Variants in C6orf132 observed in about 807,000 individuals in gnomAD.
C6orf132 encodes the protein uncharacterized protein C6orf132.
C6orf132 carries 43 observed loss-of-function variants against 65.3 expected under a neutral mutation model. The observed-to-expected ratio is 0.66, with a 90% confidence interval of 0.52 to 0.85. C6orf132 has a LOEUF of 0.85. Ranked by LOEUF, C6orf132 falls within the 40% of genes least tolerant of loss-of-function variation. The pLI is 0.00. For missense variants in C6orf132, 1,488 were observed against 1,548.8 expected (o/e 0.96, Z 0.66); for synonymous variants, 631 against 654.1 (o/e 0.96, Z 0.54).
intron 1 of C6orf132, among the ~76,000 whole-genome samples, chr6:42,130,903 T>C (rs943778986): frequency 2.6e-5 from 4 of 151,328 alleles, no homozygotes; most frequent in Non-Finnish European, 4.4e-5. Context: ...GCCTGAGCCA[T>C]TGTGGATCCC....
chr6:42,107,553 C>A lies in C6orf132; in HGVS notation c.359G>T (p.Arg120Leu). 3.2e-6 allele frequency: 5 copies of A among 1,550,724 alleles called. No homozygotes were observed. The South Asian group carries it at 5.9e-5, about 18-fold the overall frequency. ...GTSSLVNGNL[R>L]LYSSVGDLRP... is the part of the protein sequence containing the mutation. ...CAGGTCACCCACAGAGCTGTACAGTCGGAGGTTGCCATTGACTAGTGAGCT... is the reference window on the plus strand; with the variant it reads ...CAGGTCACCCACAGAGCTGTACAGTAGGAGGTTGCCATTGACTAGTGAGCT... Residue 120 changes from arginine (R) to leucine (L), a missense_variant, in exon 4 of 5, where the codon CGA becomes CTA. Arg to Leu is a moderately radical substitution (Grantham distance 102). Transcript: ENST00000341865.
At chr6:42,107,950 G>A (rs114806702) in intron 3 of C6orf132, among the ~76,000 whole-genome samples, 1,706 of 152,268 alleles carry the variant, frequency 0.011, 9 homozygotes, top group Middle Eastern at 0.024. Flanking sequence ...TCCTGGCTGC[G>A]TCACAGGTTG....
At position 42,103,409 on chromosome 6, in the gene C6orf132, GT is replaced by G. The variant is rs919477566; in HGVS notation, c.*351del. 2.8e-5 allele frequency: 11 copies of G among 395,802 alleles called. No individual in the cohort carries two copies. The highest frequency in any genetic ancestry group is 2.1e-4 in the African/African-American group (10 of 48,598). The allele number at this position is 395,802 out of a possible 1,614,324, so 24.5% of individuals were successfully genotyped here. A position where few individuals can be genotyped will look rare whatever the true frequency, so the allele number is the denominator to read the frequency against. Reference sequence around the variant, plus strand: ...ACCCCTTGCTTTCAGAACCTGCTCAGTAGGCCGTGCTTGTAAAACTGTTTTA... The same window carrying G: ...ACCCCTTGCTTTCAGAACCTGCTCAGAGGCCGTGCTTGTAAAACTGTTTTA... On this transcript the variant is annotated 3_prime_UTR_variant, in exon 5 of 5. Transcript: ENST00000341865.
chr6:42,120,375 T>C (rs185329124), intron 2 of C6orf132, among the ~76,000 whole-genome samples: 1,784 of 150,830 alleles, frequency 0.012, 16 homozygotes, highest in African/African-American at 0.018. Flanking sequence ...GCCTCCCAAG[T>C]AGCTGGGACT....
In C6orf132 at chr6:42,105,540, C is replaced by T. The variant is rs1460768604; in HGVS notation, c.2372G>A (p.Arg791Lys). The T allele has an allele frequency of 2.6e-6, 4 of 1,534,548 alleles. No individual in the cohort carries two copies. The highest frequency in any genetic ancestry group is 3.5e-6 in the Non-Finnish European group (4 of 1,145,430). The change falls in exon 4 of 5, where the codon AGA becomes AAA. Residue 791 changes from arginine (R) to lysine (K), a missense_variant. By Grantham distance (26) the Arg-to-Lys change is conservative. Transcript: ENST00000341865. ...CTCCCCTGGCCCTGCAGCCCCTCCT[C>T]TGGCCAGGGTGGGCATCACCACAGC... ...EVAVVMPTLA[R>K]GGAAGPGEPV... is the part of the protein sequence containing the mutation.
At chr6:42,141,280 G>A (rs1356250548) in intron 1 of C6orf132, among the ~76,000 whole-genome samples, 2 of 152,118 alleles carry the variant, frequency 1.3e-5, no homozygotes, top group Non-Finnish European at 2.9e-5. Context: ...CCAGCACAGT[G>A]GCTATAAAGA....
chr6:42,123,369 A>G (rs1435916489), intron 2 of C6orf132, among the ~76,000 whole-genome samples: 1 of 150,896 alleles, frequency 6.6e-6, no homozygotes, highest in Non-Finnish European at 1.5e-5. Context: ...GGTGACAGAG[A>G]CAGACTCCAT....
chr6:42,134,390 G>A (rs1057200839), intron 1 of C6orf132, among the ~76,000 whole-genome samples: 1 of 152,168 alleles, frequency 6.6e-6, no homozygotes, highest in African/African-American at 2.4e-5. Context: ...TCAATAATTG[G>A]GAGGGTTGGC....
At chr6:42,128,997 G>C (rs75590982) in intron 1 of C6orf132, among the ~76,000 whole-genome samples, 13,393 of 152,272 alleles carry the variant, frequency 0.088, 617 homozygotes, top group Middle Eastern at 0.15. Flanking sequence ...CTCGGTGTTC[G>C]TGGGGCTTTC....
chr6:42,140,351 G>A (rs954425722), intron 1 of C6orf132, among the ~76,000 whole-genome samples: 1 of 152,240 alleles, frequency 6.6e-6, no homozygotes, highest in Non-Finnish European at 1.5e-5. Flanking sequence ...GCTGAGAGGC[G>A]TGGCTGAGAG....
Position 42,104,489 on chromosome 6 carries a change from G to A in C6orf132, c.3423C>T (p.Asp1141=). The A allele has an allele frequency of 1.6e-6, 2 of 1,231,886 alleles. No homozygotes were observed. Among genetic ancestry groups the A allele is most frequent in the Middle Eastern group, 3.1e-4 (1 of 3,208 alleles). 76.3% of individuals were successfully genotyped at this position (1,231,886 alleles called of 1,614,324 possible). A position where few individuals can be genotyped will look rare whatever the true frequency, so the allele number is the denominator to read the frequency against. The change falls in exon 4 of 5, where the codon GAC becomes GAT. Residue 1141 remains aspartate (D), a synonymous_variant. Coordinates refer to ENST00000341865, the MANE Select transcript of C6orf132 (RefSeq NM_001164446.3). The surrounding 1 kb of genome is among the most constrained non-coding windows in gnomAD (Gnocchi z 4.1). The stretch of plus-strand genomic sequence containing the variant: ...TGCCGGCAGCTGGGGCGAAGCCGTA[G>A]TCGGCGCTGCCGGGCGCTTTGTGCT... ...EAKHKAPGSA[D]YGFAPAAGRS... is the part of the protein sequence containing the mutation.
intron 2 of C6orf132, among the ~76,000 whole-genome samples, chr6:42,113,145 A>G (rs1320589725): frequency 6.6e-6 from 1 of 152,200 alleles, no homozygotes; most frequent in Non-Finnish European, 1.5e-5. Flanking sequence ...CATGCAAATC[A>G]CTGACATTCT....
chr6:42,136,792 G>A (rs932713563), intron 1 of C6orf132, among the ~76,000 whole-genome samples: 2 of 152,178 alleles, frequency 1.3e-5, no homozygotes, highest in African/African-American at 2.4e-5. Context: ...CAAGGGCAGA[G>A]GGGATGCTGA....
rs567997884 is a variant in C6orf132 at position 42,104,651 on chromosome 6, G to T, written c.3261C>A (p.Ser1087Arg). Reference protein sequence around the residue: ...LPHGGTGRSLSSPNCFGPQPG... With the variant: ...LPHGGTGRSLRSPNCFGPQPG... Reference sequence around the variant, plus strand: ...GCTGCGGCCCGAAGCAGTTGGGAGAGCTCAGGCTGCGGCCGGTGCCACCGT... The same window carrying T: ...GCTGCGGCCCGAAGCAGTTGGGAGATCTCAGGCTGCGGCCGGTGCCACCGT... The change falls in exon 4 of 5, where the codon AGC becomes AGA. Residue 1087 changes from serine (S) to arginine (R), a missense_variant. By Grantham distance (110) the Ser-to-Arg change is moderately radical (BLOSUM62 -1). Transcript: ENST00000341865. The surrounding 1 kb of genome is among the most constrained non-coding windows in gnomAD (Gnocchi z 4.1). 3 of 1,486,188 alleles carry T rather than the reference G, an allele frequency of 2.0e-6. No individual in the cohort carries two copies. Among genetic ancestry groups the T allele is most frequent in the Non-Finnish European group, 8.9e-7 (1 of 1,127,070 alleles). 92.1% of individuals were successfully genotyped at this position (1,486,188 alleles called of 1,614,324 possible).
chr6:42,130,083 G>A (rs959415072), intron 1 of C6orf132, among the ~76,000 whole-genome samples: 4 of 152,232 alleles, frequency 2.6e-5, no homozygotes, highest in East Asian at 1.9e-4. Flanking sequence ...AGCAGCTGGA[G>A]GTGGTGTCCT....
intron 1 of C6orf132, among the ~76,000 whole-genome samples, chr6:42,135,797 C>T (rs1766932610): frequency 1.3e-5 from 2 of 152,204 alleles, no homozygotes; most frequent in African/African-American, 4.8e-5. Flanking sequence ...CCTTATTATT[C>T]CCAATTTGCA....
rs1474900056 is a variant in C6orf132 at position 42,101,751 on chromosome 6, T to G, written c.*2010A>C. The G allele has an allele frequency of 2.0e-5, 3 of 152,204 alleles. No individual in the cohort carries two copies. Among genetic ancestry groups the G allele is most frequent in the Non-Finnish European group, 4.4e-5 (3 of 68,052 alleles). 9.4% of individuals were successfully genotyped at this position (152,204 alleles called of 1,614,324 possible). A position where few individuals can be genotyped will look rare whatever the true frequency, so the allele number is the denominator to read the frequency against. On this transcript the variant is annotated 3_prime_UTR_variant, in exon 5 of 5. Coordinates refer to ENST00000341865, the MANE Select transcript of C6orf132 (RefSeq NM_001164446.3). ...GTGCTGGGGCTGGGGTGGGATTTGCTTCTTGAACACAGATAACCAGACCCT... is the reference window on the plus strand; with the variant it reads ...GTGCTGGGGCTGGGGTGGGATTTGCGTCTTGAACACAGATAACCAGACCCT...
In C6orf132 at chr6:42,102,221, C is replaced by CTTTTTTTTTTTTTTTTTTTTTTTTTTT. The variant is rs58496089; in HGVS notation, c.*1539_*1540insAAAAAAAAAAAAAAAAAAAAAAAAAAA. On this transcript the variant is annotated 3_prime_UTR_variant, in exon 5 of 5. Transcript: ENST00000341865. ...CCCTACTGATAGGTCTCCCCTGCTC[C>CTTTTTTTTTTTTTTTTTTTTTTTTTTT]TTTTTTTTTTTTTTTTTTTTTTTTT... The CTTTTTTTTTTTTTTTTTTTTTTTTTTT allele has an allele frequency of 1.1e-5, 1 of 92,182 alleles. No individual in the cohort carries two copies. The highest frequency in any genetic ancestry group is 1.9e-5 in the Non-Finnish European group (1 of 51,494). The allele number at this position is 92,182 out of a possible 1,614,324, so 5.7% of individuals were successfully genotyped here.
Position 42,105,021 on chromosome 6 carries a change from A to G in C6orf132, c.2891T>C (p.Phe964Ser), listed in dbSNP as rs1457353729. The G allele has an allele frequency of 9.8e-6, 15 of 1,532,448 alleles. No individual in the cohort carries two copies. Among genetic ancestry groups the G allele is most frequent in the Middle Eastern group, 1.7e-4 (1 of 5,962 alleles). The allele number at this position is 1,532,448 out of a possible 1,614,324, so 94.9% of individuals were successfully genotyped here. The change falls in exon 4 of 5, where the codon TTC (phenylalanine) becomes TCC (serine). Residue 964 changes from phenylalanine to serine, a missense_variant. Physicochemically the swap from Phe to Ser is radical, Grantham distance 155. Transcript: ENST00000341865. ...GTTCGAAGGAGAAGGTGGGGAGGAG[A>G]AGGACTTGGGCAGCGGGTGGCCCTG... The part of the protein sequence containing the change: ...LPQGHPLPKS[F>S]SSPPSPSNKR...
Sources: allele counts gnomAD v4.1 joint callset (sites outside exome capture counted in the v4.1 genomes callset), GRCh38; gene constraint gnomAD v4.1.1; non-coding constraint Gnocchi (gnomAD v3.1); transcripts MANE v1.5; gene names NCBI Gene and HGNC (gene_info 2026-07-23, HGNC 2026-07-21).